Variants in HP1BP3 observed in about 807,000 individuals in gnomAD.
The protein encoded by HP1BP3 is heterochromatin protein 1 binding protein 3.
HP1BP3 carries 12 observed loss-of-function variants against 62.5 expected under a neutral mutation model. The ratio of observed to expected loss-of-function variants is 0.19; its 90% CI spans 0.12 to 0.31. The LOEUF (loss-of-function observed/expected upper bound fraction) is 0.31. Among genes scored for constraint, HP1BP3 ranks in the 10% least tolerant of loss-of-function variants. HP1BP3 has a pLI of 1.00. For synonymous variants in HP1BP3, 260 were observed against 237.8 expected, an observed-to-expected ratio of 1.09 and a Z score of -0.86; for missense variants, 502 against 651.8, an observed-to-expected ratio of 0.77 and a Z score of 2.50.
rs187788883 is a variant in HP1BP3 at position 20,740,882 on chromosome 1, T to A, written c.*3915A>T. The stretch of plus-strand genomic sequence containing the variant: ...AGAGATTAATTTCTTAAGAAAATAA[T>A]GCAGCTGATTAGGGGTACTGTTTAA... On this transcript the variant is annotated 3_prime_UTR_variant, in exon 13 of 13. Coordinates refer to ENST00000438032, the MANE Select transcript of HP1BP3 (RefSeq NM_001372052.1). 7.9e-5 allele frequency among the ~76,000 whole-genome samples: 12 copies of A among 152,294 alleles called. No individual in the cohort carries two copies. Among genetic ancestry groups the A allele is most frequent in the African/African-American group, 2.9e-4 (12 of 41,572 alleles).
intron 9 of HP1BP3, 113 bp downstream of exon 9, chr1:20,757,053 C>T: frequency 1.6e-6 from 1 of 608,090 alleles, no homozygotes; most frequent in Non-Finnish European, 2.9e-6. Flanking sequence ...CAGATATAAC[C>T]CACATAAACA....
intron 10 of HP1BP3, among the ~76,000 whole-genome samples, chr1:20,748,484 C>T (rs1483775281): frequency 3.3e-5 from 5 of 152,234 alleles, no homozygotes; most frequent in Non-Finnish European, 4.4e-5. Context: ...TGGCGGCTCA[C>T]GCCTGTAATC....
Position 20,763,793 on chromosome 1 carries a change from TTTAAATGATGGAAACA to T in HP1BP3, c.890+1568_890+1583del, listed in dbSNP as rs562269437. Among the ~76,000 whole-genome samples the T allele has an allele frequency of 7.9e-5, 12 of 152,346 alleles. No homozygotes were observed. The East Asian group carries it at 2.3e-3, about 29-fold the overall frequency. On this transcript the variant is annotated intron_variant, in intron 8 of 12. Transcript: ENST00000438032. ...TTATCTCAGAATTTTATGCTGCATG[TTTAAATGATGGAAACA>T]TTATGCTATTTCTATGTACAGGTGT... is the stretch of plus-strand genomic sequence containing the variant.
At chr1:20,750,056 C>A in intron 9 of HP1BP3, 174 bp from the exon 10 acceptor site, 2 of 1,302,866 alleles carry the variant, frequency 1.5e-6, no homozygotes, top group Non-Finnish European at 2.0e-6. Context: ...TTCAATCTAA[C>A]TGAGAAGTCC....
chr1:20,749,766 C>G lies in HP1BP3; in HGVS notation c.1098G>C (p.Lys366Asn). Residue 366 changes from lysine to asparagine, a missense_variant, in exon 10 of 13, where the codon AAG becomes AAC. Transcript: ENST00000438032. Reference sequence around the variant, plus strand: ...TTCCTGGGTGATTCTCTAGGACATACTTCTTCAGAGCAGTGGTAGAGCAGG... The same window carrying G: ...TTCCTGGGTGATTCTCTAGGACATAGTTCTTCAGAGCAGTGGTAGAGCAGG... ...PKTCSTTALK[K>N]YVLENHPGTN... 6.2e-7 allele frequency: 1 copy of G among 1,613,904 alleles called. No individual in the cohort carries two copies. The highest frequency in any genetic ancestry group is 8.5e-7 in the Non-Finnish European group (1 of 1,179,824).
At chr1:20,767,835 T>C (rs2056860252) in intron 6 of HP1BP3, among the ~76,000 whole-genome samples, 171 bp from the exon 7 acceptor site, 1 of 152,026 alleles carries the variant, frequency 6.6e-6, no homozygotes, top group South Asian at 2.1e-4. Context: ...AGCTCCTTTA[T>C]ATACCATCTA....
intron 7 of HP1BP3, 80 bp from the exon 8 acceptor site, chr1:20,765,611 G>T: frequency 1.8e-6 from 2 of 1,134,136 alleles, no homozygotes; most frequent in South Asian, 1.5e-5. Context: ...TTCCTCAGTT[G>T]ATTACCAAAT....
chr1:20,749,376 G>C (rs77289352), intron 10 of HP1BP3, among the ~76,000 whole-genome samples: 2 of 84,822 alleles, frequency 2.4e-5, no homozygotes, highest in Non-Finnish European at 4.8e-5. Flanking sequence ...CTTTTTTTTT[G>C]ATACATAGTC....
intron 12 of HP1BP3, 69 bp downstream of exon 12, chr1:20,745,474 C>T (rs2274119): frequency 0.095 from 147,341 of 1,556,680 alleles, 9,755 homozygotes; most frequent in East Asian, 0.31. Context: ...TTAGCCCCTC[C>T]TATAGCACTA....
intron 8 of HP1BP3, among the ~76,000 whole-genome samples, chr1:20,759,299 C>T (rs1158082030): frequency 6.6e-6 from 1 of 152,076 alleles, no homozygotes; most frequent in Non-Finnish European, 1.5e-5. Flanking sequence ...ACTTGGGAGG[C>T]TGATGAGGCA....
chr1:20,776,637 C>T lies in HP1BP3; in HGVS notation c.310G>A (p.Glu104Lys), dbSNP rs1388948148. Residue 104 changes from glutamate (E) to lysine (K), a missense_variant, in exon 4 of 13, where the codon GAG (glutamate) becomes AAG (lysine). Glu to Lys is a moderately conservative substitution (Grantham distance 56). Coordinates refer to ENST00000438032, the MANE Select transcript of HP1BP3 (RefSeq NM_001372052.1). ...EQPKGEPENEEKEENKSSEET... is the reference protein window; with the variant it reads ...EQPKGEPENEKKEENKSSEET... The stretch of plus-strand genomic sequence containing the variant: ...TCAGAAGACTTATTTTCTTCCTTCT[C>T]TTCATTCTCAGGTTCCCCCTTTGGC... 1.2e-6 allele frequency: 2 copies of T among 1,613,642 alleles called. No individual in the cohort carries two copies. The highest frequency in any genetic ancestry group is 4.5e-5 in the East Asian group (2 of 44,852).
chr1:20,764,084 C>A (rs1316897697), intron 8 of HP1BP3, among the ~76,000 whole-genome samples: 1 of 152,094 alleles, frequency 6.6e-6, no homozygotes, highest in Non-Finnish European at 1.5e-5. Flanking sequence ...TTCTTCTTCC[C>A]AACACATATA....
At chr1:20,774,921 T>A (rs372585657) in intron 4 of HP1BP3, 1 of 151,712 alleles carries the variant, frequency 6.6e-6, no homozygotes, top group East Asian at 1.9e-4. Flanking sequence ...GAGGTGGAGG[T>A]TGCAGTGAGC....
intron 9 of HP1BP3, among the ~76,000 whole-genome samples, chr1:20,752,778 T>C (rs1169590218): frequency 6.6e-6 from 1 of 152,216 alleles, no homozygotes; most frequent in Non-Finnish European, 1.5e-5. Context: ...CTAAAAATTA[T>C]TTTATTAAAT....
In HP1BP3 at chr1:20,771,153, A is replaced by G. The variant is rs536216714; in HGVS notation, c.511-80T>C. Reference sequence around the variant, plus strand: ...ATATTTTCAAAATAAATTATTTTGGAAGTGAATTTGATGATAGATGACAAA... The same window carrying G: ...ATATTTTCAAAATAAATTATTTTGGGAGTGAATTTGATGATAGATGACAAA... On this transcript the variant is annotated intron_variant, in intron 5 of 12. Coordinates refer to ENST00000438032, the MANE Select transcript of HP1BP3 (RefSeq NM_001372052.1). 436 of 1,256,994 alleles carry G rather than the reference A, an allele frequency of 3.5e-4. 3 individuals are homozygous for G. The African/African-American group carries it at 6.1e-3, about 17-fold the overall frequency. 77.9% of individuals were successfully genotyped at this position (1,256,994 alleles called of 1,614,324 possible).
intron 7 of HP1BP3, among the ~76,000 whole-genome samples, chr1:20,767,036 C>T (rs1282387152): frequency 6.6e-6 from 1 of 152,116 alleles, no homozygotes; most frequent in Non-Finnish European, 1.5e-5. Context: ...CAGTATAATT[C>T]AGCTGGGAGC....
At chr1:20,757,063 A>G in intron 9 of HP1BP3, 103 bp downstream of exon 9, 1 of 652,490 alleles carries the variant, frequency 1.5e-6, no homozygotes, top group Non-Finnish European at 2.7e-6. Context: ...CCACATAAAC[A>G]AAAGTTCTTT....
At position 20,744,603 on chromosome 1, in the gene HP1BP3, G is replaced by A; in HGVS notation, c.*194C>T. On this transcript the variant is annotated 3_prime_UTR_variant, in exon 13 of 13. Transcript: ENST00000438032. ...TATTGCAGAAATTAAAATGAACAAG[G>A]AAAAGGGCAGGCACCAATAAAAGCA... 1 of 573,646 alleles carries A rather than the reference G, an allele frequency of 1.7e-6. No individual in the cohort carries two copies. Among genetic ancestry groups the A allele is most frequent in the Non-Finnish European group, 3.0e-6 (1 of 328,948 alleles). 35.5% of individuals were successfully genotyped at this position (573,646 alleles called of 1,614,324 possible).
At chr1:20,783,769 C>CA (rs1164930528) in intron 1 of HP1BP3, among the ~76,000 whole-genome samples, 6,111 of 52,990 alleles carry the variant, frequency 0.12, 788 homozygotes, top group African/African-American at 0.18. Flanking sequence ...GACTCTGTCT[C>CA]AAAAAAAAAA....
Sources: gnomAD v4.1 joint callset for allele counts (sites outside exome capture counted in the v4.1 genomes callset) on GRCh38, gnomAD v4.1.1 for gene constraint, MANE v1.5 for transcripts, NCBI Gene and HGNC (gene_info 2026-07-23, HGNC 2026-07-21) for gene names.